The following RELN variants were observed in gnomAD, a reference collection of about 807,000 sequenced individuals.
RELN encodes reelin.
A neutral mutation model predicts 427.6 loss-of-function variants in RELN; 108 were observed. The observed-to-expected ratio is 0.25, with a 90% CI of 0.22 to 0.30. RELN has a LOEUF of 0.30. RELN is among the 10% of genes least tolerant of loss of function. The pLI, the probability that RELN is intolerant of heterozygous loss-of-function variation, is 1.00. For missense variants in RELN, 3,715 were observed against 4,302.8 expected (o/e 0.86, Z 3.82); for synonymous variants, 1,524 against 1,513.4 (o/e 1.01, Z -0.16).
At chr7:103,528,942 C>A (rs948655659) in intron 46 of RELN, among the ~76,000 whole-genome samples, 2 of 151,352 alleles carry the variant, frequency 1.3e-5, no homozygotes, top group Non-Finnish European at 2.9e-5. Flanking sequence ...TCAAGACCAT[C>A]CTGGCCAACA....
At chr7:103,799,822 A>G (rs1426590797) in intron 3 of RELN, among the ~76,000 whole-genome samples, 1 of 152,162 alleles carries the variant, frequency 6.6e-6, no homozygotes, top group African/African-American at 2.4e-5. Flanking sequence ...TTACTGAGGC[A>G]AAGCACATTA....
At chr7:103,875,636 A>G (rs1025480344) in intron 2 of RELN, among the ~76,000 whole-genome samples, 3 of 152,158 alleles carry the variant, frequency 2.0e-5, no homozygotes, top group Admixed American at 6.6e-5. Flanking sequence ...CCAGGTGGAT[A>G]TAAACCTACG....
intron 2 of RELN, among the ~76,000 whole-genome samples, chr7:103,905,450 G>C (rs893908675): frequency 2.6e-5 from 4 of 152,224 alleles, no homozygotes; most frequent in Non-Finnish European, 5.9e-5. Flanking sequence ...TGCATGTATA[G>C]ATGTGTACAC....
At chr7:103,828,242 T>C (rs1001467218) in intron 3 of RELN, among the ~76,000 whole-genome samples, 2 of 152,030 alleles carry the variant, frequency 1.3e-5, no homozygotes, top group Non-Finnish European at 2.9e-5. Context: ...TGCATCTGTA[T>C]TATTATTTTG....
intron 2 of RELN, among the ~76,000 whole-genome samples, chr7:103,846,821 A>G (rs1179695539): frequency 6.6e-6 from 1 of 152,204 alleles, no homozygotes; most frequent in Admixed American, 6.5e-5. Flanking sequence ...TAAATAAAAA[A>G]GCTCATCATC....
intron 2 of RELN, among the ~76,000 whole-genome samples, chr7:103,879,220 C>A (rs1794551740): frequency 6.6e-6 from 1 of 152,156 alleles, no homozygotes; most frequent in Admixed American, 6.5e-5. Flanking sequence ...TTAATTTTTA[C>A]ACAGATTATA....
intron 8 of RELN, among the ~76,000 whole-genome samples, chr7:103,722,377 G>T (rs899572428): frequency 6.6e-6 from 1 of 152,086 alleles, no homozygotes; most frequent in Non-Finnish European, 1.5e-5. Flanking sequence ...AGCATGGCTG[G>T]GGGACACCTG....
chr7:103,497,326 T>C (rs1828871516), intron 55 of RELN, among the ~76,000 whole-genome samples: 1 of 152,188 alleles, frequency 6.6e-6, no homozygotes, highest in Non-Finnish European at 1.5e-5. Flanking sequence ...CACCATGGTA[T>C]TACTGGTCTG....
intron 4 of RELN, among the ~76,000 whole-genome samples, chr7:103,761,202 A>G (rs1472984282): frequency 6.6e-6 from 1 of 152,198 alleles, no homozygotes; most frequent in African/African-American, 2.4e-5. Context: ...AAATGAAAAT[A>G]TATCTTTATA....
chr7:103,766,039 T>C (rs576418956), intron 4 of RELN, among the ~76,000 whole-genome samples: 4 of 152,198 alleles, frequency 2.6e-5, no homozygotes, highest in Non-Finnish European at 5.9e-5. Context: ...CTTAATCTGC[T>C]TGTCTTCAGA....
intron 60 of RELN, among the ~76,000 whole-genome samples, chr7:103,486,923 T>C (rs1246634493): frequency 6.6e-6 from 1 of 152,194 alleles, no homozygotes; most frequent in Non-Finnish European, 1.5e-5. Flanking sequence ...CCCAAAGGAT[T>C]ATAAATCATT....
intron 2 of RELN, among the ~76,000 whole-genome samples, chr7:103,878,015 C>T (rs71558658): frequency 2.6e-5 from 4 of 151,980 alleles, no homozygotes; most frequent in Non-Finnish European, 4.4e-5. Flanking sequence ...ACCAACACGC[C>T]CAGCTAATAT....
In RELN at chr7:103,566,400, G is replaced by T; in HGVS notation, c.4760C>A (p.Ala1587Asp). The T allele has an allele frequency of 6.2e-7, 1 of 1,614,022 alleles. No individual in the cohort carries two copies. Among genetic ancestry groups the T allele is most frequent in the African/African-American group, 1.3e-5 (1 of 75,042 alleles). The change falls in exon 33 of 65, where the codon GCC becomes GAC. Residue 1587 changes from alanine to aspartate, a missense_variant. Around this residue, in one of 4 missense-constraint regions of RELN, gnomAD observed 2,208 missense variants for 2,361.7 expected, o/e 0.93. Coordinates refer to ENST00000428762, the MANE Select transcript of RELN (RefSeq NM_005045.4). ...WWQPQHGKHS[A>D]QWALDDVLIG... is the part of the protein sequence containing the mutation. Reference sequence around the variant, plus strand: ...AAGAACATCATCCAAAGCCCACTGGGCTGAATGCTTCCCTGCAATCAGATG... The same window carrying T: ...AAGAACATCATCCAAAGCCCACTGGTCTGAATGCTTCCCTGCAATCAGATG...
intron 41 of RELN, among the ~76,000 whole-genome samples, chr7:103,547,165 TAG>T (rs1830315825): frequency 6.6e-6 from 1 of 152,224 alleles, no homozygotes; most frequent in Non-Finnish European, 1.5e-5. Context: ...AAATTCTGAA[TAG>T]TTTTCTGTTT....
intron 43 of RELN, among the ~76,000 whole-genome samples, chr7:103,541,032 C>A (rs1830166647): frequency 6.6e-6 from 1 of 152,168 alleles, no homozygotes; most frequent in Admixed American, 6.5e-5. Context: ...GTATGTCAAG[C>A]CTGGGCCTCT....
chr7:103,742,170 G>C (rs618925), intron 6 of RELN, among the ~76,000 whole-genome samples: 78,188 of 151,942 alleles, frequency 0.51, 20,252 homozygotes, highest in Non-Finnish European at 0.54. Context: ...TGGAGTGGAC[G>C]TCTAGCAAAC....
intron 31 of RELN, 141 bp downstream of exon 31, chr7:103,572,043 C>A: frequency 1.5e-6 from 1 of 684,950 alleles, no homozygotes; most frequent in Non-Finnish European, 2.7e-6. Context: ...TGTGCAGCCA[C>A]CGATTCTACA....
chr7:103,613,256 C>T (rs2117295074), intron 20 of RELN, among the ~76,000 whole-genome samples: 1 of 152,218 alleles, frequency 6.6e-6, no homozygotes, highest in African/African-American at 2.4e-5. Flanking sequence ...CTTTGTTTTT[C>T]TGTTACTGTA....
intron 8 of RELN, among the ~76,000 whole-genome samples, chr7:103,704,786 G>C (rs1393612157): frequency 6.6e-6 from 1 of 151,952 alleles, no homozygotes; most frequent in Admixed American, 6.6e-5. Flanking sequence ...TGGCTGTCCA[G>C]TGATTGCCTC....
Sources: allele counts gnomAD v4.1 joint callset (sites outside exome capture counted in the v4.1 genomes callset), GRCh38; gene constraint gnomAD v4.1.1; regional missense constraint gnomAD v4.1.1; transcripts MANE v1.5; gene names NCBI Gene and HGNC (gene_info 2026-07-23, HGNC 2026-07-21).